Variants in THEMIS observed in about 807,000 individuals in gnomAD.
THEMIS encodes protein THEMIS.
A neutral mutation model predicts 52.6 loss-of-function variants in THEMIS; 37 were observed. The ratio of observed to expected loss-of-function variants is 0.70; its 90% CI spans 0.54 to 0.93. The LOEUF (loss-of-function observed/expected upper bound fraction) is 0.93. Among genes scored for constraint, THEMIS ranks in the 40% least tolerant of loss-of-function variants. The pLI, the probability that THEMIS is intolerant of heterozygous loss-of-function variation, is 0.00. For missense variants in THEMIS, 808 were observed against 763.1 expected, an observed-to-expected ratio of 1.06 and a Z score of -0.69; for synonymous variants, 292 against 272.7, an observed-to-expected ratio of 1.07 and a Z score of -0.70.
At chr6:127,843,985 T>C (rs552803496) in intron 2 of THEMIS, among the ~76,000 whole-genome samples, 9 of 152,148 alleles carry the variant, frequency 5.9e-5, no homozygotes, top group African/African-American at 1.7e-4. Flanking sequence ...GGCAGAACTA[T>C]AGCATCTAAA....
chr6:127,830,672 T>G (rs1168188718), intron 2 of THEMIS, among the ~76,000 whole-genome samples: 1 of 151,208 alleles, frequency 6.6e-6, no homozygotes, highest in Non-Finnish European at 1.5e-5. Flanking sequence ...GGCAACAGAG[T>G]GAGACTCTGT....
At chr6:127,833,853 G>GAAA (rs1778782853) in intron 2 of THEMIS, among the ~76,000 whole-genome samples, 1 of 152,056 alleles carries the variant, frequency 6.6e-6, no homozygotes, top group South Asian at 2.1e-4. Flanking sequence ...CACAGTGATA[G>GAAA]AAAAGCCACA....
intron 4 of THEMIS, among the ~76,000 whole-genome samples, chr6:127,811,880 T>C (rs1777920253): frequency 6.6e-6 from 1 of 152,220 alleles, no homozygotes; most frequent in African/African-American, 2.4e-5. Flanking sequence ...TTTTATCTTT[T>C]TCTAAAGATG....
intron 4 of THEMIS, among the ~76,000 whole-genome samples, chr6:127,755,508 A>T (rs1775791879): frequency 6.6e-6 from 1 of 151,962 alleles, no homozygotes; most frequent in South Asian, 2.1e-4. Context: ...ATTTTTAAAG[A>T]TTTTTTTTAT....
intron 2 of THEMIS, among the ~76,000 whole-genome samples, chr6:127,853,737 C>T (rs1239620105): frequency 6.6e-6 from 1 of 151,640 alleles, no homozygotes; most frequent in Non-Finnish European, 1.5e-5. Context: ...TTTCTATATG[C>T]CATGTACCTT....
chr6:127,893,697 C>A (rs191677341), intron 1 of THEMIS, among the ~76,000 whole-genome samples: 131 of 152,194 alleles, frequency 8.6e-4, no homozygotes, highest in Non-Finnish European at 1.5e-3. Context: ...ACTACAGAAC[C>A]TCACATGATT....
rs1333301048 is a variant in THEMIS at position 127,829,586 on chromosome 6, A to G, written c.599T>C (p.Val200Ala). The change falls in exon 3 of 6, where the codon GTA (valine) becomes GCA (alanine). Residue 200 changes from valine (V) to alanine (A), a missense_variant. By Grantham distance (64) the Val-to-Ala change is moderately conservative. Coordinates refer to ENST00000368248, the MANE Select transcript of THEMIS (RefSeq NM_001010923.3). ...WKIPKNRTRT[V>A]NLTDFSNKWD... ...CTTATTTGAAAAATCTGTAAGGTTTACAGTTCTTGTTCTGTTCTTAGGAAT... is the reference window on the plus strand; with the variant it reads ...CTTATTTGAAAAATCTGTAAGGTTTGCAGTTCTTGTTCTGTTCTTAGGAAT... 1 of 1,613,986 alleles carries G rather than the reference A, an allele frequency of 6.2e-7. No individual in the cohort carries two copies. Among genetic ancestry groups the G allele is most frequent in the Non-Finnish European group, 8.5e-7 (1 of 1,180,008 alleles).
chr6:127,744,001 A>G (rs1775296898), intron 4 of THEMIS, among the ~76,000 whole-genome samples: 1 of 152,112 alleles, frequency 6.6e-6, no homozygotes, highest in South Asian at 2.1e-4. Context: ...ACTTTTATTA[A>G]GTATTGAATA....
intron 1 of THEMIS, among the ~76,000 whole-genome samples, chr6:127,913,565 C>T (rs1249065605): frequency 2.0e-5 from 3 of 152,266 alleles, no homozygotes; most frequent in East Asian, 3.9e-4. Flanking sequence ...ACATTCTTAC[C>T]TTCTCCTCCC....
intron 4 of THEMIS, among the ~76,000 whole-genome samples, chr6:127,779,482 A>G (rs1227292855): frequency 3.9e-5 from 6 of 152,190 alleles, no homozygotes; most frequent in Non-Finnish European, 7.4e-5. Flanking sequence ...AGAGTTAATC[A>G]TTACTCATTA....
chr6:127,890,748 A>G (rs1354096579), intron 1 of THEMIS, among the ~76,000 whole-genome samples: 1 of 152,110 alleles, frequency 6.6e-6, no homozygotes, highest in Non-Finnish European at 1.5e-5. Context: ...AGTTGTTACA[A>G]TAGAATTAAC....
chr6:127,702,821 C>T, the THEMIS span, among the ~76,000 whole-genome samples: 1 of 151,866 alleles, frequency 6.6e-6, no homozygotes, highest in Non-Finnish European at 1.5e-5. Context: ...AGAGCTTGTG[C>T]AGGGAAACTC....
the THEMIS span, among the ~76,000 whole-genome samples, chr6:127,702,152 A>T: frequency 6.6e-6 from 1 of 151,936 alleles, no homozygotes; most frequent in Admixed American, 6.6e-5. Context: ...ATTTTTGAAA[A>T]TCTTTTAACT....
chr6:127,884,724 A>C (rs1445591868), intron 1 of THEMIS, among the ~76,000 whole-genome samples: 1 of 152,170 alleles, frequency 6.6e-6, no homozygotes. Context: ...AAAATACCAT[A>C]GACTGGGTAG....
At chr6:127,734,724 G>A (rs1774928334) in intron 4 of THEMIS, among the ~76,000 whole-genome samples, 1 of 151,420 alleles carries the variant, frequency 6.6e-6, no homozygotes, top group Admixed American at 6.6e-5. Context: ...CAAAAAATTA[G>A]CCGGGTGTGG....
chr6:127,860,974 G>A (rs1779779643), intron 1 of THEMIS, among the ~76,000 whole-genome samples: 1 of 152,156 alleles, frequency 6.6e-6, no homozygotes, highest in African/African-American at 2.4e-5. Flanking sequence ...AGGGATTTGA[G>A]GGTGTGTGTA....
intron 4 of THEMIS, among the ~76,000 whole-genome samples, chr6:127,808,208 C>G (rs1324736369): frequency 6.6e-6 from 1 of 152,146 alleles, no homozygotes; most frequent in Non-Finnish European, 1.5e-5. Context: ...ATCTTTCAAC[C>G]AAAGGTTTGT....
At chr6:127,910,386 A>T (rs188507549) in intron 1 of THEMIS, among the ~76,000 whole-genome samples, 2 of 152,252 alleles carry the variant, frequency 1.3e-5, no homozygotes, top group Non-Finnish European at 2.9e-5. Flanking sequence ...GTTATTAGGG[A>T]AGAAAATTCT....
downstream of THEMIS, among the ~76,000 whole-genome samples, chr6:127,703,274 C>G (rs1434732910): frequency 2.6e-5 from 4 of 151,908 alleles, no homozygotes; most frequent in Non-Finnish European, 4.4e-5. Context: ...GTCTCGATCT[C>G]CTGACCTCGT....
Sources: allele counts gnomAD v4.1 joint callset (sites outside exome capture counted in the v4.1 genomes callset), GRCh38; gene constraint gnomAD v4.1.1; transcripts MANE v1.5; gene names NCBI Gene and HGNC (gene_info 2026-07-23, HGNC 2026-07-21).